CEP95: variants seen among roughly 807,000 people sequenced by gnomAD.
The protein encoded by CEP95 is centrosomal protein of 95 kDa.
In CEP95, 98 loss-of-function variants were observed where a neutral mutation model predicts 111.2. That is an observed-to-expected ratio of 0.88 (90% CI 0.75 to 1.04). CEP95 has a LOEUF of 1.04. Among genes scored for constraint, CEP95 ranks in the 50% least tolerant of loss-of-function variants. The pLI is 0.00. For synonymous variants in CEP95, 323 were observed against 327.1 expected (o/e 0.99, Z 0.14); for missense variants, 1,027 against 977.2 (o/e 1.05, Z -0.68).
In CEP95 at chr17:64,532,937, A is replaced by G; in HGVS notation, c.1771A>G (p.Ile591Val). Residue 591 changes from isoleucine to valine, a missense_variant, in exon 15 of 20, where the codon ATT becomes GTT. Physicochemically the swap from Ile to Val is conservative, Grantham distance 29 (BLOSUM62 3). Coordinates refer to ENST00000556440, the MANE Select transcript of CEP95 (RefSeq NM_138363.3). ...ACTAAGCAAAATGTGGAAACAGCAA[A>G]TTGCACAGGTTGAACAGCTTAAGAA... ...PTLSKMWKQQ[I>V]AQVEQLKKEA... 6.2e-7 allele frequency: 1 copy of G among 1,613,992 alleles called. No individual in the cohort carries two copies. The highest frequency in any genetic ancestry group is 8.5e-7 in the Non-Finnish European group (1 of 1,179,876).
At chr17:64,535,720 C>T (rs1295976986) in intron 17 of CEP95, 1 of 152,104 alleles carries the variant, frequency 6.6e-6, no homozygotes, top group African/African-American at 2.4e-5. Flanking sequence ...TACCCTATGA[C>T]CCAGCAATTT....
At chr17:64,510,958 C>T (rs1196063000) in intron 3 of CEP95, among the ~76,000 whole-genome samples, 1 of 152,150 alleles carries the variant, frequency 6.6e-6, no homozygotes, top group Admixed American at 6.5e-5. Context: ...AATTTTAAAG[C>T]TGGGCGTCTG....
chr17:64,526,579 TTGAA>T (rs1967840156), intron 10 of CEP95, among the ~76,000 whole-genome samples: 1 of 152,222 alleles, frequency 6.6e-6, no homozygotes, highest in Non-Finnish European at 1.5e-5. Context: ...TAAGGTATCA[TTGAA>T]TGAATGTTTT....
intron 5 of CEP95, among the ~76,000 whole-genome samples, 152 bp from the exon 6 acceptor site, chr17:64,519,169 A>G (rs1409791599): frequency 2.0e-5 from 3 of 152,218 alleles, no homozygotes; most frequent in South Asian, 2.1e-4. Flanking sequence ...TACCATTCAT[A>G]TATCAGTGAA....
At chr17:64,532,190 T>C in intron 14 of CEP95, 168 bp downstream of exon 14, 1 of 1,301,000 alleles carries the variant, frequency 7.7e-7, no homozygotes, top group Non-Finnish European at 9.8e-7. Flanking sequence ...GGGCTAAAAC[T>C]CTTCAATAAG....
intron 12 of CEP95, among the ~76,000 whole-genome samples, chr17:64,529,974 T>TA (rs1968144350): frequency 6.6e-6 from 1 of 152,238 alleles, no homozygotes; most frequent in Non-Finnish European, 1.5e-5. Context: ...TCAGACATCT[T>TA]ACACTCATTT....
rs1568133995 is a variant in CEP95 at position 64,519,309 on chromosome 17, GA to G, written c.474-10del. 6.2e-7 allele frequency: 1 copy of G among 1,604,986 alleles called. No homozygotes were observed. ...CAGGCTGGGCCCTGAGTGAAGGAGGGAACTTTTCCAGGTGCTCCTTGTCTTC... is the reference window on the plus strand; with the variant it reads ...CAGGCTGGGCCCTGAGTGAAGGAGGGACTTTTCCAGGTGCTCCTTGTCTTC... On this transcript the variant is annotated splice_polypyrimidine_tract_variant and intron_variant, in intron 5 of 19. Coordinates refer to ENST00000556440, the MANE Select transcript of CEP95 (RefSeq NM_138363.3).
rs1555680776 is a variant in CEP95 at position 64,533,151 on chromosome 17, C to G, written c.1877C>G (p.Thr626Ser). 1 of 1,594,124 alleles carries G rather than the reference C, an allele frequency of 6.3e-7. No homozygotes were observed. The highest frequency in any genetic ancestry group is 8.5e-7 in the Non-Finnish European group (1 of 1,175,146). ...EEALRRHDLL[T>S]TLVKKEYEHN... is the part of the protein sequence containing the mutation. ...GCCCTAAGAAGGCATGACCTCCTTA[C>G]TACCCTTGTCAAGAAAGAATATGAA... The change falls in exon 16 of 20, where the codon ACT (threonine) becomes AGT (serine). Residue 626 changes from threonine to serine, a missense_variant. Thr to Ser is a moderately conservative substitution (Grantham distance 58, BLOSUM62 1). Transcript: ENST00000556440.
intron 1 of CEP95, 55 bp downstream of exon 1, chr17:64,507,171 G>A (rs1172933639): frequency 3.2e-6 from 5 of 1,550,896 alleles, no homozygotes; most frequent in East Asian, 4.9e-5. Flanking sequence ...CCACCTCCAG[G>A]GAGGCCTCGG....
intron 12 of CEP95, among the ~76,000 whole-genome samples, 157 bp from the exon 13 acceptor site, chr17:64,530,769 G>A (rs1327617132): frequency 6.6e-6 from 1 of 152,134 alleles, no homozygotes; most frequent in Non-Finnish European, 1.5e-5. Flanking sequence ...CATCCTCACC[G>A]CACGCGGCTA....
At position 64,532,909 on chromosome 17, in the gene CEP95, A is replaced by G. The variant is rs1299295280; in HGVS notation, c.1743A>G (p.Pro581=). The change falls in exon 15 of 20, where the codon CCA becomes CCG. Residue 581 remains proline (P), a synonymous_variant. Coordinates refer to ENST00000556440, the MANE Select transcript of CEP95 (RefSeq NM_138363.3). ...EQFPFLYVSG[P]TLSKMWKQQI... is the part of the protein sequence containing the mutation. Reference sequence around the variant, plus strand: ...TTCCGTTTCTTTATGTTTCTGGCCCAACACTAAGCAAAATGTGGAAACAGC... The same window carrying G: ...TTCCGTTTCTTTATGTTTCTGGCCCGACACTAAGCAAAATGTGGAAACAGC... 3 of 1,613,832 alleles carry G rather than the reference A, an allele frequency of 1.9e-6. No homozygotes were observed. Among genetic ancestry groups the G allele is most frequent in the Non-Finnish European group, 2.5e-6 (3 of 1,179,872 alleles).
At chr17:64,516,016 A>T (rs1296863639) in intron 4 of CEP95, 2 of 152,186 alleles carry the variant, frequency 1.3e-5, no homozygotes, top group African/African-American at 4.8e-5. Flanking sequence ...AAGTAAGTAG[A>T]TGTGTGTAAA....
At chr17:64,518,759 C>G (rs1967078288) in intron 5 of CEP95, among the ~76,000 whole-genome samples, 1 of 152,006 alleles carries the variant, frequency 6.6e-6, no homozygotes, top group Non-Finnish European at 1.5e-5. Flanking sequence ...CGGCTCACTG[C>G]AACCTCTGCC....
chr17:64,509,638 T>TCAC (rs1555674154), intron 2 of CEP95, among the ~76,000 whole-genome samples: 1 of 152,194 alleles, frequency 6.6e-6, no homozygotes, highest in Non-Finnish European at 1.5e-5. Flanking sequence ...TGAGCCAAGA[T>TCAC]CACGCCACTG....
Position 64,514,254 on chromosome 17 carries a change from A to T in CEP95, c.263A>T (p.Asn88Ile), listed in dbSNP as rs1219019449. ...QVSLSHITGE[N>I]IVKGDKESIK... Reference sequence around the variant, plus strand: ...CTCTATATTCTGTCTCCAGGAGAAAATATAGTGAAAGGAGATAAAGAATCT... The same window carrying T: ...CTCTATATTCTGTCTCCAGGAGAAATTATAGTGAAAGGAGATAAAGAATCT... The change falls in exon 4 of 20, where the codon AAT becomes ATT. Residue 88 changes from asparagine to isoleucine, a missense_variant. Physicochemically the swap from Asn to Ile is moderately radical, Grantham distance 149. Coordinates refer to ENST00000556440, the MANE Select transcript of CEP95 (RefSeq NM_138363.3). 4.6e-6 allele frequency: 6 copies of T among 1,318,198 alleles called. No individual in the cohort carries two copies. Among genetic ancestry groups the T allele is most frequent in the Non-Finnish European group, 6.4e-6 (6 of 936,372 alleles). 81.7% of individuals were successfully genotyped at this position (1,318,198 alleles called of 1,614,324 possible).
chr17:64,508,595 G>T lies in CEP95; in HGVS notation c.23G>T (p.Trp8Leu). 7.1e-7 allele frequency: 1 copy of T among 1,401,318 alleles called. No homozygotes were observed. The highest frequency in any genetic ancestry group is 1.9e-5 in the South Asian group (1 of 53,722). 86.8% of individuals were successfully genotyped at this position (1,401,318 alleles called of 1,614,324 possible). A position where few individuals can be genotyped will look rare whatever the true frequency, so the allele number is the denominator to read the frequency against. The change falls in exon 2 of 20, where the codon TGG becomes TTG. Residue 8 changes from tryptophan (W) to leucine (L), a missense_variant. By Grantham distance (61) the Trp-to-Leu change is moderately conservative (BLOSUM62 -2). Transcript: ENST00000556440. ...CTTTCCCCCTTTTTCCCAACAGAGT[G>T]GGTAACCATTGCCAATAACCTTCTT... MAGSDAE[W>L]VTIANNLLFK...
intron 10 of CEP95, 22 bp downstream of exon 10, chr17:64,526,222 A>G (rs1258694298): frequency 1.3e-6 from 2 of 1,597,410 alleles, no homozygotes; most frequent in African/African-American, 1.4e-5. Flanking sequence ...TTTTTCATCT[A>G]TATTGAGATT....
Position 64,522,787 on chromosome 17 carries a change from C to A in CEP95, c.801C>A (p.Tyr267Ter). ...IRAAIPLHPP[Y>*]HPSEPRAPCP... ...CAGCTATTCCTTTACATCCACCCTACCACCCTTCAGAGCCTCGAGCACCCT... is the reference window on the plus strand; with the variant it reads ...CAGCTATTCCTTTACATCCACCCTAACACCCTTCAGAGCCTCGAGCACCCT... The change falls in exon 8 of 20, where the codon TAC (tyrosine) becomes TAA (stop). Residue 267 changes from tyrosine to a stop codon, truncating the protein, a stop_gained. Transcript: ENST00000556440. LOFTEE classifies it high-confidence loss of function. 4.3e-6 allele frequency: 7 copies of A among 1,613,868 alleles called. No homozygotes were observed. Among genetic ancestry groups the A allele is most frequent in the South Asian group, 1.1e-5 (1 of 91,084 alleles).
intron 14 of CEP95, 93 bp from the exon 15 acceptor site, chr17:64,532,746 C>CA: frequency 1.3e-6 from 2 of 1,483,664 alleles, no homozygotes; most frequent in South Asian, 2.9e-5. Context: ...GGATCAAAAC[C>CA]ACATCACTTA....
Sources: allele counts gnomAD v4.1 joint callset (sites outside exome capture counted in the v4.1 genomes callset), GRCh38; gene constraint gnomAD v4.1.1; transcripts MANE v1.5; gene names NCBI Gene and HGNC (gene_info 2026-07-23, HGNC 2026-07-21).